Variants in VPS53 observed in about 807,000 individuals in gnomAD.
VPS53 encodes VPS53 subunit of GARP complex.
VPS53 carries 70 observed loss-of-function variants against 107.0 expected under a neutral mutation model. The ratio of observed to expected loss-of-function variants is 0.65; its 90% CI spans 0.54 to 0.80. The LOEUF (loss-of-function observed/expected upper bound fraction) is 0.80. Ranked by LOEUF, VPS53 falls within the 30% of genes least tolerant of loss-of-function variation. The pLI is 0.00. For missense variants in VPS53, 917 were observed against 1,049.4 expected, an observed-to-expected ratio of 0.87 and a Z score of 1.74; for synonymous variants, 409 against 393.3, an observed-to-expected ratio of 1.04 and a Z score of -0.47.
chr17:514,088 T>C lies in VPS53; in HGVS notation c.*5040A>G, dbSNP rs1424004373. On this transcript the variant is annotated 3_prime_UTR_variant, in exon 22 of 22. Transcript: ENST00000437048. Reference sequence around the variant, plus strand: ...CCGAGTGCTCTTCCTAGGGAAGGAATCTCATTTCCAGCAGGTTATTCCGAG... The same window carrying C: ...CCGAGTGCTCTTCCTAGGGAAGGAACCTCATTTCCAGCAGGTTATTCCGAG... 4 of 39,736 alleles carry C rather than the reference T, an allele frequency of 1.0e-4. No homozygotes were observed. The highest frequency in any genetic ancestry group is 5.3e-4 in the Admixed American group (2 of 3,770). 2.5% of individuals were successfully genotyped at this position (39,736 alleles called of 1,614,324 possible).
At position 639,434 on chromosome 17, in the gene VPS53, G is replaced by A. The variant is rs181042550; in HGVS notation, c.609-7806C>T. On this transcript the variant is annotated intron_variant, in intron 7 of 21. Coordinates refer to ENST00000437048, the MANE Select transcript of VPS53 (RefSeq NM_001128159.3). ...TCTCAACTCGTCAAAGTCATTCTCCGTCCAGCTTTGTTCCATTGCTGGCGA... is the reference window on the plus strand; with the variant it reads ...TCTCAACTCGTCAAAGTCATTCTCCATCCAGCTTTGTTCCATTGCTGGCGA... 5.5e-3 allele frequency among the ~76,000 whole-genome samples: 831 copies of A among 152,262 alleles called. 4 individuals are homozygous for A. The highest frequency in any genetic ancestry group is 9.4e-3 in the Non-Finnish European group (639 of 68,028).
intron 4 of VPS53, among the ~76,000 whole-genome samples, chr17:666,707 C>T (rs1467929468): frequency 6.6e-6 from 1 of 151,558 alleles, no homozygotes; most frequent in Non-Finnish European, 1.5e-5. Flanking sequence ...ATCATGAGGT[C>T]AAGAGTTTGT....
chr17:666,255 G>A (rs1971679997), intron 4 of VPS53, among the ~76,000 whole-genome samples: 1 of 152,182 alleles, frequency 6.6e-6, no homozygotes, highest in Non-Finnish European at 1.5e-5. Context: ...AAGCAGAGAT[G>A]CAGAGAAAAA....
chr17:621,764 G>T (rs1212265278), intron 11 of VPS53, among the ~76,000 whole-genome samples: 1 of 152,108 alleles, frequency 6.6e-6, no homozygotes, highest in Non-Finnish European at 1.5e-5. Context: ...TTAATCGTTT[G>T]TGTCATGCAG....
intron 7 of VPS53, among the ~76,000 whole-genome samples, chr17:638,173 C>A (rs555029438): frequency 6.6e-6 from 1 of 152,028 alleles, no homozygotes; most frequent in African/African-American, 2.4e-5. Flanking sequence ...TAAGTAATGG[C>A]CTTCTTTGTC....
intron 12 of VPS53, among the ~76,000 whole-genome samples, chr17:594,250 T>C (rs1161145756): frequency 1.3e-5 from 2 of 152,232 alleles, no homozygotes; most frequent in Non-Finnish European, 2.9e-5. Context: ...CGCACCAGCA[T>C]GGCACATGTA....
At chr17:620,556 C>A (rs1969425982) in intron 11 of VPS53, among the ~76,000 whole-genome samples, 1 of 152,186 alleles carries the variant, frequency 6.6e-6, no homozygotes, top group Non-Finnish European at 1.5e-5. Context: ...GAGCACAGCG[C>A]CTACTTCCTA....
At chr17:585,159 T>G (rs1458924398) in intron 13 of VPS53, among the ~76,000 whole-genome samples, 1 of 152,208 alleles carries the variant, frequency 6.6e-6, no homozygotes, top group African/African-American at 2.4e-5. Flanking sequence ...AGTTGGCAGG[T>G]ACCACCTAAA....
rs1053563535 is a variant in VPS53, at chr17:518,196, C to G, written c.*932G>C. On this transcript the variant is annotated 3_prime_UTR_variant, in exon 22 of 22. Transcript: ENST00000437048. ...CAGGGTTAACGGCTTGATATGCTGC[C>G]ATTCTCTGGATGCAGGATGACATGA... The G allele has an allele frequency of 6.7e-6, 1 of 150,256 alleles. No individual in the cohort carries two copies. The highest frequency in any genetic ancestry group is 1.5e-5 in the Non-Finnish European group (1 of 67,372). The allele number at this position is 150,256 out of a possible 1,614,324, so 9.3% of individuals were successfully genotyped here. A position where few individuals can be genotyped will look rare whatever the true frequency, so the allele number is the denominator to read the frequency against.
intron 12 of VPS53, among the ~76,000 whole-genome samples, chr17:593,325 A>G (rs966380399): frequency 6.6e-6 from 1 of 152,206 alleles, no homozygotes; most frequent in African/African-American, 2.4e-5. Flanking sequence ...TAATTAAACT[A>G]AAGAGCTTCT....
chr17:700,931 T>C (rs1973173588), intron 2 of VPS53, among the ~76,000 whole-genome samples: 1 of 152,128 alleles, frequency 6.6e-6, no homozygotes, highest in Admixed American at 6.5e-5. Flanking sequence ...GCCATGAGTG[T>C]TTGAGATGTC....
At chr17:532,113 A>T (rs912764334) in intron 19 of VPS53, 7 of 150,794 alleles carry the variant, frequency 4.6e-5, no homozygotes, top group African/African-American at 1.5e-4. Context: ...ACGCCCGGCT[A>T]ATTTTTTGTA....
chr17:670,859 T>G (rs947812092), intron 4 of VPS53, among the ~76,000 whole-genome samples: 24 of 152,194 alleles, frequency 1.6e-4, no homozygotes, highest in Non-Finnish European at 4.4e-5. Context: ...GAAAATTAGA[T>G]TTTTCCACTA....
At chr17:532,729 A>G (rs1909688850) in intron 19 of VPS53, 113 bp downstream of exon 19, 1 of 1,512,922 alleles carries the variant, frequency 6.6e-7, no homozygotes, top group African/African-American at 1.4e-5. Context: ...ACTGTCCCCA[A>G]ACAGGGGACA....
intron 17 of VPS53, among the ~76,000 whole-genome samples, chr17:548,479 G>GACATTTATAA (rs1911464935): frequency 6.9e-6 from 1 of 145,684 alleles, no homozygotes; most frequent in Non-Finnish European, 1.5e-5. Flanking sequence ...CAGTCCTTCT[G>GACATTTATAA]GAATCATCCA....
chr17:549,894 T>A (rs560374619), intron 17 of VPS53, among the ~76,000 whole-genome samples: 4 of 152,366 alleles, frequency 2.6e-5, no homozygotes, highest in Non-Finnish European at 4.4e-5. Flanking sequence ...TCAGCTATTT[T>A]AGGACTTGCC....
intron 1 of VPS53, among the ~76,000 whole-genome samples, chr17:712,479 A>C (rs1004485438): frequency 2.6e-5 from 4 of 152,032 alleles, no homozygotes; most frequent in Admixed American, 2.0e-4. Flanking sequence ...GAGCCCAGCC[A>C]ATTTTCACCT....
intron 7 of VPS53, among the ~76,000 whole-genome samples, chr17:647,867 A>C (rs1970771411): frequency 6.6e-6 from 1 of 152,240 alleles, no homozygotes; most frequent in South Asian, 2.1e-4. Flanking sequence ...GGTAGGAAGG[A>C]TGACAGAAAA....
intron 4 of VPS53, chr17:673,902 G>A (rs1447583806): frequency 1.3e-5 from 2 of 152,204 alleles, no homozygotes; most frequent in Non-Finnish European, 2.9e-5. Context: ...GTTTTCAGGA[G>A]ACAAGCCAGA....
Sources: allele counts gnomAD v4.1 joint callset (sites outside exome capture counted in the v4.1 genomes callset), GRCh38; gene constraint gnomAD v4.1.1; transcripts MANE v1.5; gene names NCBI Gene and HGNC (gene_info 2026-07-23, HGNC 2026-07-21).